The following FAM135B variants were observed in gnomAD, a reference collection of about 807,000 sequenced individuals.
The protein encoded by FAM135B is protein FAM135B.
FAM135B carries 43 observed loss-of-function variants against 127.7 expected under a neutral mutation model. The ratio of observed to expected loss-of-function variants is 0.34; its 90% confidence interval spans 0.26 to 0.43. The LOEUF (loss-of-function observed/expected upper bound fraction) is 0.43, where lower values mean the gene tolerates loss of function less well. FAM135B is among the 20% of genes least tolerant of loss of function. The probability of loss-of-function intolerance (pLI) is 1.00; values close to 1 mark genes in which losing one functional copy is unlikely to be tolerated. For synonymous variants in FAM135B, 670 were observed against 665.1 expected, an observed-to-expected ratio of 1.01 and a Z score of -0.11; for missense variants, 1,558 against 1,725.6, an observed-to-expected ratio of 0.90 and a Z score of 1.72.
chr8:138,152,454 C>A lies in FAM135B; in HGVS notation c.2021G>T (p.Gly674Val), dbSNP rs1482726590. The A allele has an allele frequency of 6.2e-7, 1 of 1,614,180 alleles. No homozygotes were observed. Among genetic ancestry groups the A allele is most frequent in the Non-Finnish European group, 8.5e-7 (1 of 1,180,042 alleles). Residue 674 changes from glycine to valine, a missense_variant, in exon 13 of 20, where the codon GGG becomes GTG. Gly to Val is a moderately radical substitution (Grantham distance 109). This residue lies in a region of FAM135B where 923 missense variants were observed against 865.3 expected (regional missense o/e 1.07). Coordinates refer to ENST00000395297, the MANE Select transcript of FAM135B (RefSeq NM_015912.4). ...GATGGATGAAGATCTCTTGATGACC[C>A]CGGATAGCACTGAGAGTTCCTCCTG... ...EEQEELSVLS[G>V]VIKRSSSIIS... is the part of the protein sequence containing the mutation.
chr8:138,448,020 G>A (rs1409928172), intron 1 of FAM135B, among the ~76,000 whole-genome samples: 1 of 151,162 alleles, frequency 6.6e-6, no homozygotes, highest in East Asian at 1.9e-4. Context: ...AATTTGGCAA[G>A]CTGAATCAAG....
intron 12 of FAM135B, among the ~76,000 whole-genome samples, chr8:138,160,991 C>A (rs1819334351): frequency 6.6e-6 from 1 of 152,136 alleles, no homozygotes; most frequent in African/African-American, 2.4e-5. Context: ...CCTTGGACAA[C>A]TATGGAACTT....
intron 7 of FAM135B, among the ~76,000 whole-genome samples, chr8:138,224,540 A>G (rs1485248415): frequency 6.6e-6 from 1 of 152,318 alleles, no homozygotes; most frequent in East Asian, 1.9e-4. Flanking sequence ...ATTTTTAAAG[A>G]TATATGTGAC....
chr8:138,146,377 T>C (rs1817655135), intron 14 of FAM135B, among the ~76,000 whole-genome samples: 1 of 152,144 alleles, frequency 6.6e-6, no homozygotes. Flanking sequence ...GCAAATTCCA[T>C]TTTGCAAGCA....
rs774187386 is a variant in FAM135B at position 138,153,135 on chromosome 8, T to C, written c.1340A>G (p.Asn447Ser). The C allele has an allele frequency of 3.1e-6, 5 of 1,612,522 alleles. No individual in the cohort carries two copies. The South Asian group carries it at 5.5e-5, about 18-fold the overall frequency. Residue 447 changes from asparagine to serine, a missense_variant, in exon 13 of 20, where the codon AAC (asparagine) becomes AGC (serine). Asn to Ser is a conservative substitution (Grantham distance 46). Coordinates refer to ENST00000395297, the MANE Select transcript of FAM135B (RefSeq NM_015912.4). ...AGATAAATTGCTATTTACCATACAGTTATCTTCCTTGTCTTTCAGATTCAT... is the reference window on the plus strand; with the variant it reads ...AGATAAATTGCTATTTACCATACAGCTATCTTCCTTGTCTTTCAGATTCAT... ...TIMNLKDKED[N>S]CMVNSNLSFR...
chr8:138,314,911 G>A (rs1398912321), intron 2 of FAM135B, among the ~76,000 whole-genome samples: 1 of 147,948 alleles, frequency 6.8e-6, no homozygotes, highest in East Asian at 2.0e-4. Context: ...AATTCGAAGG[G>A]CATTTTTTAT....
At chr8:138,377,786 A>C (rs886251888) in intron 1 of FAM135B, among the ~76,000 whole-genome samples, 1 of 152,190 alleles carries the variant, frequency 6.6e-6, no homozygotes, top group Non-Finnish European at 1.5e-5. Context: ...GGTCCAAAAG[A>C]AGCAGCAGAA....
chr8:138,462,679 T>C (rs903635958), intron 1 of FAM135B, among the ~76,000 whole-genome samples: 1 of 152,040 alleles, frequency 6.6e-6, no homozygotes, highest in African/African-American at 2.4e-5. Context: ...CTGTTCAACA[T>C]CATTTGAAAA....
intron 19 of FAM135B, 30 bp downstream of exon 19, chr8:138,137,117 G>C (rs2130537368): frequency 8.8e-7 from 1 of 1,139,174 alleles, no homozygotes; most frequent in South Asian, 1.2e-5. Context: ...AAATTAGAAA[G>C]TCCCTGAGCA....
At chr8:138,378,665 C>T (rs544740713) in intron 1 of FAM135B, among the ~76,000 whole-genome samples, 15 of 152,156 alleles carry the variant, frequency 9.9e-5, no homozygotes, top group Admixed American at 2.0e-4. Flanking sequence ...CCCAGGCATT[C>T]ACCCCCTTAA....
At chr8:138,246,964 T>C (rs1157936993) in intron 6 of FAM135B, among the ~76,000 whole-genome samples, 1 of 152,264 alleles carries the variant, frequency 6.6e-6, no homozygotes, top group Non-Finnish European at 1.5e-5. Context: ...ATTTAATTAC[T>C]GCCTTATTAG....
chr8:138,144,816 G>GA (rs1187287452), intron 15 of FAM135B, among the ~76,000 whole-genome samples: 2 of 152,150 alleles, frequency 1.3e-5, no homozygotes, highest in African/African-American at 2.4e-5. Context: ...AGCCGCATCA[G>GA]AGAGTTGCTG....
chr8:138,469,060 CAGAAAGAG>C (rs754915715), intron 1 of FAM135B, among the ~76,000 whole-genome samples: 1 of 50,078 alleles, frequency 2.0e-5, no homozygotes, highest in Non-Finnish European at 5.9e-5. Context: ...GAAAGAGAGA[CAGAAAGAG>C]AGAGAAAAAG....
chr8:138,307,901 A>C (rs2130877578), intron 3 of FAM135B, among the ~76,000 whole-genome samples: 1 of 152,178 alleles, frequency 6.6e-6, no homozygotes. Context: ...CTAAAGATAT[A>C]TTTTTCTTTT....
chr8:138,324,362 C>A (rs565072000), intron 2 of FAM135B, among the ~76,000 whole-genome samples: 1 of 152,240 alleles, frequency 6.6e-6, no homozygotes, highest in Admixed American at 6.5e-5. Context: ...TTGAGGAATT[C>A]CTTAAAAGAA....
At chr8:138,206,146 C>T (rs867204615) in intron 7 of FAM135B, among the ~76,000 whole-genome samples, 12 of 142,898 alleles carry the variant, frequency 8.4e-5, no homozygotes, top group African/African-American at 1.3e-4. Context: ...CCTCCACCCA[C>T]GCACAGTTCA....
chr8:138,193,755 G>C (rs142219145), intron 9 of FAM135B, among the ~76,000 whole-genome samples: 1 of 152,270 alleles, frequency 6.6e-6, no homozygotes, highest in East Asian at 1.9e-4. Context: ...GCACTTAGGA[G>C]GGTCCTTGCG....
At chr8:138,365,806 A>T (rs1285247473) in intron 2 of FAM135B, among the ~76,000 whole-genome samples, 3 of 152,192 alleles carry the variant, frequency 2.0e-5, no homozygotes, top group Admixed American at 2.0e-4. Flanking sequence ...GGCCAGTTGC[A>T]CACTGCAGTA....
chr8:138,205,735 T>G (rs1213596841), intron 7 of FAM135B, among the ~76,000 whole-genome samples: 1 of 152,160 alleles, frequency 6.6e-6, no homozygotes, highest in Non-Finnish European at 1.5e-5. Flanking sequence ...AATGACTTTT[T>G]CTATTAATAC....
Sources: gnomAD v4.1 joint callset for allele counts (sites outside exome capture counted in the v4.1 genomes callset) on GRCh38, gnomAD v4.1.1 for gene constraint, gnomAD v4.1.1 regional missense constraint, MANE v1.5 for transcripts, NCBI Gene and HGNC (gene_info 2026-07-23, HGNC 2026-07-21) for gene names.